Variants in FAM222A observed in about 807,000 individuals in gnomAD.
FAM222A encodes family with sequence similarity 222 member A.
FAM222A carries 7 observed loss-of-function variants against 25.8 expected under a neutral mutation model. The observed-to-expected ratio is 0.27, with a 90% CI of 0.15 to 0.51. The LOEUF (loss-of-function observed/expected upper bound fraction) is 0.51, where lower values mean the gene tolerates loss of function less well. Ranked by LOEUF, FAM222A falls within the 20% of genes least tolerant of loss-of-function variation. FAM222A has a pLI of 0.97. For missense variants in FAM222A, 573 were observed against 640.5 expected (o/e 0.89, Z 1.14); for synonymous variants, 294 against 298.8 (o/e 0.98, Z 0.17).
chr12:109,723,694 G>A (rs770910709), intron 1 of FAM222A, among the ~76,000 whole-genome samples: 1 of 152,232 alleles, frequency 6.6e-6, no homozygotes, highest in Non-Finnish European at 1.5e-5. Flanking sequence ...GAGGGAGCTG[G>A]CAGGGCTGCT....
Position 109,768,073 on chromosome 12 carries a change from C to T in FAM222A, c.144C>T (p.Ala48=). The T allele has an allele frequency of 1.2e-6, 2 of 1,613,956 alleles. No individual in the cohort carries two copies. The highest frequency in any genetic ancestry group is 1.7e-6 in the Non-Finnish European group (2 of 1,180,032). ...SRYPSPAELD[A]YAEKVANSPL... ...ACCCGAGCCCAGCAGAACTGGACGC[C>T]TATGCCGAGAAGGTGGCCAACAGCC... The change falls in exon 3 of 3, where the codon GCC becomes GCT. Residue 48 remains alanine, a synonymous_variant. Coordinates refer to ENST00000538780, the MANE Select transcript of FAM222A (RefSeq NM_032829.3).
chr12:109,736,175 T>C (rs1331000354), intron 1 of FAM222A, among the ~76,000 whole-genome samples: 1 of 152,234 alleles, frequency 6.6e-6, no homozygotes, highest in Non-Finnish European at 1.5e-5. Flanking sequence ...GAGGGTTTGC[T>C]CTCCAGCAGC....
chr12:109,734,527 G>A (rs1350831758), intron 1 of FAM222A: 5 of 151,618 alleles, frequency 3.3e-5, no homozygotes, highest in African/African-American at 1.2e-4. Context: ...TCATGTCGGT[G>A]CATTTACAAT....
chr12:109,737,180 C>T (rs1229192597), intron 1 of FAM222A, among the ~76,000 whole-genome samples: 3 of 152,042 alleles, frequency 2.0e-5, no homozygotes, highest in Non-Finnish European at 2.9e-5. Flanking sequence ...TTTGAGCAGT[C>T]CTTCTGCTCA....
At chr12:109,720,933 C>T (rs1177704670) in intron 1 of FAM222A, among the ~76,000 whole-genome samples, 2 of 152,184 alleles carry the variant, frequency 1.3e-5, no homozygotes, top group Admixed American at 1.3e-4. Context: ...CAAAGGAAAT[C>T]AGAGGTGGAA....
intron 1 of FAM222A, among the ~76,000 whole-genome samples, chr12:109,742,375 C>T (rs1202754931): frequency 6.6e-6 from 1 of 152,272 alleles, no homozygotes; most frequent in African/African-American, 2.4e-5. Context: ...AGGAGCAGCA[C>T]TGCCTTCCTG....
intron 1 of FAM222A, among the ~76,000 whole-genome samples, chr12:109,726,968 A>G (rs1219948086): frequency 2.0e-5 from 3 of 152,170 alleles, no homozygotes; most frequent in African/African-American, 7.2e-5. Flanking sequence ...CATTGTACAG[A>G]TGAGGAAGCA....
At chr12:109,715,038 C>T (rs944383921) in intron 1 of FAM222A, 141 bp downstream of exon 1, 26 of 152,428 alleles carry the variant, frequency 1.7e-4, no homozygotes, top group African/African-American at 6.3e-4. Flanking sequence ...TTCCTCCCTC[C>T]AAACACAACT....
intron 1 of FAM222A, 193 bp from the exon 2 acceptor site, chr12:109,743,908 T>C (rs1888314223): frequency 4.1e-6 from 4 of 985,252 alleles, no homozygotes; most frequent in Non-Finnish European, 3.6e-6. Flanking sequence ...TTCTGTCCCT[T>C]CCCATGAGGC....
intron 1 of FAM222A, among the ~76,000 whole-genome samples, chr12:109,719,800 A>C (rs1021911173): frequency 2.0e-5 from 3 of 152,020 alleles, no homozygotes; most frequent in Non-Finnish European, 2.9e-5. Context: ...GTGCTGAGCT[A>C]AGGGTGCTGT....
chr12:109,723,006 G>GGC (rs1887777194), intron 1 of FAM222A, among the ~76,000 whole-genome samples: 1 of 150,526 alleles, frequency 6.6e-6, no homozygotes, highest in African/African-American at 2.4e-5. Context: ...AGCGGGTGGG[G>GGC]GGGGGAGGGG....
chr12:109,720,191 C>T (rs1566183048), intron 1 of FAM222A: 1 of 985,420 alleles, frequency 1.0e-6, no homozygotes, highest in Non-Finnish European at 1.2e-6. Context: ...TGTTTGGGGC[C>T]CTGGGGGCCC....
At chr12:109,750,909 C>T (rs898208801) in intron 2 of FAM222A, among the ~76,000 whole-genome samples, 1 of 151,902 alleles carries the variant, frequency 6.6e-6, no homozygotes, top group South Asian at 2.1e-4. Context: ...TATTTGATTT[C>T]GATCTTTCCA....
chr12:109,743,766 G>A (rs993098976), intron 1 of FAM222A, among the ~76,000 whole-genome samples: 2 of 152,306 alleles, frequency 1.3e-5, no homozygotes, highest in African/African-American at 4.8e-5. Flanking sequence ...AGCCTGCTGC[G>A]GGGCACGGAG....
chr12:109,760,191 T>G (rs1289206533), intron 2 of FAM222A, among the ~76,000 whole-genome samples: 1 of 152,088 alleles, frequency 6.6e-6, no homozygotes, highest in East Asian at 1.9e-4. Flanking sequence ...ACACACACAT[T>G]TCACCACTTT....
intron 1 of FAM222A, among the ~76,000 whole-genome samples, chr12:109,716,749 G>A (rs1887654355): frequency 6.6e-6 from 1 of 152,268 alleles, no homozygotes; most frequent in Non-Finnish European, 1.5e-5. Context: ...CAGAGGGAAA[G>A]GCTGTCAGAA....
chr12:109,743,479 A>C (rs182532064), intron 1 of FAM222A, among the ~76,000 whole-genome samples: 5 of 152,244 alleles, frequency 3.3e-5, no homozygotes, highest in Admixed American at 2.6e-4. Flanking sequence ...ATCTCGGGTC[A>C]GGGCAGCCTT....
intron 1 of FAM222A, among the ~76,000 whole-genome samples, chr12:109,726,522 C>A (rs1183197170): frequency 6.6e-6 from 1 of 152,216 alleles, no homozygotes; most frequent in Non-Finnish European, 1.5e-5. Context: ...GCACCCACCC[C>A]GGGCAGCCAT....
intron 1 of FAM222A, among the ~76,000 whole-genome samples, chr12:109,739,325 T>TTCATTTTTA (rs1296689403): frequency 6.6e-6 from 1 of 152,224 alleles, no homozygotes; most frequent in African/African-American, 2.4e-5. Context: ...GTCAGGAACA[T>TTCATTTTTA]TCATTTTTAT....
Sources: gnomAD v4.1 joint callset for allele counts (sites outside exome capture counted in the v4.1 genomes callset) on GRCh38, gnomAD v4.1.1 for gene constraint, MANE v1.5 for transcripts, NCBI Gene and HGNC (gene_info 2026-07-23, HGNC 2026-07-21) for gene names.